TAF2: variants seen among roughly 807,000 people sequenced by gnomAD.
TAF2 encodes the protein transcription initiation factor TFIID subunit 2.
In TAF2, 61 loss-of-function variants were observed where a neutral mutation model predicts 138.5. The observed-to-expected ratio is 0.44, with a 90% CI of 0.36 to 0.54. TAF2 has a LOEUF of 0.54. TAF2 is among the 20% of genes least tolerant of loss of function. The pLI is 0.00. For synonymous variants in TAF2, 475 were observed against 469.9 expected, an observed-to-expected ratio of 1.01 and a Z score of -0.14; for missense variants, 1,090 against 1,427.9, an observed-to-expected ratio of 0.76 and a Z score of 3.81.
intron 20 of TAF2, among the ~76,000 whole-genome samples, chr8:119,759,828 G>C (rs1348554108): frequency 6.6e-6 from 1 of 151,972 alleles, no homozygotes; most frequent in Non-Finnish European, 1.5e-5. Context: ...AGAAAATCTT[G>C]GGTCATAATT....
intron 21 of TAF2, among the ~76,000 whole-genome samples, chr8:119,757,236 G>A (rs551334988): frequency 6.6e-6 from 1 of 152,158 alleles, no homozygotes; most frequent in East Asian, 1.9e-4. Context: ...ATTTAAGACT[G>A]TGTAAAATAA....
At position 119,742,650 on chromosome 8, in the gene TAF2, G is replaced by A. The variant is rs776030738; in HGVS notation, c.3221C>T (p.Ser1074Leu). The A allele has an allele frequency of 7.4e-6, 12 of 1,613,576 alleles. No individual in the cohort carries two copies. The highest frequency in any genetic ancestry group is 6.7e-5 in the East Asian group (3 of 44,828). Residue 1074 changes from serine (S) to leucine (L), a missense_variant, in exon 25 of 26, where the codon TCG becomes TTG. Physicochemically the swap from Ser to Leu is moderately radical, Grantham distance 145. Coordinates refer to ENST00000378164, the MANE Select transcript of TAF2 (RefSeq NM_003184.4). ...MLERPSTPGL[S>L]KYRPASSRSA... ...TCGGGAGCTAGCTGGCCGATATTTC[G>A]AGAGCCCTAAAATGCCAAACAAGAG...
chr8:119,776,486 T>C (rs1822251659), intron 18 of TAF2, among the ~76,000 whole-genome samples: 1 of 150,036 alleles, frequency 6.7e-6, no homozygotes, highest in African/African-American at 2.5e-5. Flanking sequence ...ATCGAAACCA[T>C]CCTGGCTACC....
chr8:119,832,160 A>T (rs1826495614), intron 1 of TAF2, among the ~76,000 whole-genome samples: 1 of 151,956 alleles, frequency 6.6e-6, no homozygotes, highest in Admixed American at 6.5e-5. Flanking sequence ...CCGTCTTAAA[A>T]ATTAAAAAAT....
At chr8:119,784,737 A>G (rs1347757526) in intron 15 of TAF2, among the ~76,000 whole-genome samples, 1 of 152,232 alleles carries the variant, frequency 6.6e-6, no homozygotes, top group Non-Finnish European at 1.5e-5. Flanking sequence ...TTTTGCAAGC[A>G]TAGGGAGACT....
At chr8:119,775,235 T>G (rs1187125800) in intron 18 of TAF2, among the ~76,000 whole-genome samples, 2 of 143,100 alleles carry the variant, frequency 1.4e-5, no homozygotes, top group African/African-American at 2.6e-5. Context: ...GAGCTGGAAT[T>G]GTGCCACTGC....
chr8:119,802,218 C>T (rs997310344), intron 5 of TAF2, among the ~76,000 whole-genome samples, 193 bp from the exon 6 acceptor site: 2 of 152,132 alleles, frequency 1.3e-5, no homozygotes, highest in Non-Finnish European at 2.9e-5. Flanking sequence ...TACTATTTGG[C>T]AATATTAAGA....
At chr8:119,734,201 C>T (rs902675675) in intron 25 of TAF2, among the ~76,000 whole-genome samples, 9 of 152,028 alleles carry the variant, frequency 5.9e-5, no homozygotes, top group African/African-American at 1.9e-4. Context: ...CTTAAAAACC[C>T]GGTTGGTTCT....
chr8:119,828,949 G>A (rs967146029), intron 2 of TAF2, among the ~76,000 whole-genome samples: 1 of 152,150 alleles, frequency 6.6e-6, no homozygotes, highest in African/African-American at 2.4e-5. Flanking sequence ...GTAAATAAAT[G>A]GGGATGGCTG....
chr8:119,789,789 T>C, intron 11 of TAF2, 43 bp from the exon 12 acceptor site: 1 of 1,568,030 alleles, frequency 6.4e-7, no homozygotes, highest in Non-Finnish European at 8.7e-7. Context: ...TAACAGATTC[T>C]TTTCAATTAT....
intron 3 of TAF2, among the ~76,000 whole-genome samples, chr8:119,809,256 T>A (rs895025624): frequency 6.6e-6 from 1 of 152,226 alleles, no homozygotes; most frequent in Admixed American, 6.5e-5. Flanking sequence ...TTAAACCTCA[T>A]GAACCAGCCT....
intron 3 of TAF2, among the ~76,000 whole-genome samples, chr8:119,815,363 C>G (rs1305958404): frequency 6.6e-6 from 1 of 151,762 alleles, no homozygotes; most frequent in Non-Finnish European, 1.5e-5. Context: ...CAAGCTCCAC[C>G]TCCTGGATTC....
chr8:119,812,909 T>C (rs762338643), intron 3 of TAF2, among the ~76,000 whole-genome samples: 12 of 152,196 alleles, frequency 7.9e-5, no homozygotes, highest in Non-Finnish European at 1.5e-4. Context: ...GCAATAAACA[T>C]AGACATGTAG....
In TAF2 at chr8:119,796,891, C is replaced by T. The variant is rs149567370; in HGVS notation, c.1091+99G>A. 4 of 808,928 alleles carry T rather than the reference C, an allele frequency of 4.9e-6. No homozygotes were observed. The East Asian group carries it at 1.0e-4, about 20-fold the overall frequency. 50.1% of individuals were successfully genotyped at this position (808,928 alleles called of 1,614,324 possible). A position where few individuals can be genotyped will look rare whatever the true frequency, so the allele number is the denominator to read the frequency against. On this transcript the variant is annotated intron_variant, in intron 8 of 25. Transcript: ENST00000378164. ...TATAGAACAGTGTCTCTTAAATTAGCTATCTGCAATTAGGGCAAAGGTCAG... is the reference window on the plus strand; with the variant it reads ...TATAGAACAGTGTCTCTTAAATTAGTTATCTGCAATTAGGGCAAAGGTCAG...
In TAF2 at chr8:119,743,068, TA is replaced by T. The variant is rs202045004; in HGVS notation, c.3215-413del. Reference sequence around the variant, plus strand: ...TGGGAAACAGAGTGAGACTCCATCTTAAAAAAAAAATTTAAAAAAACCCCAA... The same window carrying T: ...TGGGAAACAGAGTGAGACTCCATCTTAAAAAAAAATTTAAAAAAACCCCAA... On this transcript the variant is annotated intron_variant, in intron 24 of 25. Transcript: ENST00000378164. Among the ~76,000 whole-genome samples, 26 of 150,220 alleles carry T rather than the reference TA, an allele frequency of 1.7e-4. No individual in the cohort carries two copies. In the South Asian group the frequency reaches 4.0e-3, roughly 23 times the overall value.
chr8:119,797,740 G>C lies in TAF2; in HGVS notation c.899C>G (p.Pro300Arg), dbSNP rs1162627359. The C allele has an allele frequency of 6.2e-7, 1 of 1,613,420 alleles. No homozygotes were observed. Among genetic ancestry groups the C allele is most frequent in the Non-Finnish European group, 8.5e-7 (1 of 1,179,696 alleles). ...FYEEILTCRYPYSCFKTVFID... is the reference protein window; with the variant it reads ...FYEEILTCRYRYSCFKTVFID... ...GAAGACAGTCTTAAAACAGGAGTAT[G>C]GGTAACGACATGTAAGAATTTCTTC... is the stretch of plus-strand genomic sequence containing the variant. Residue 300 changes from proline to arginine, a missense_variant, in exon 7 of 26, where the codon CCA becomes CGA. Physicochemically the swap from Pro to Arg is moderately radical, Grantham distance 103 (BLOSUM62 -2). Around this residue, in one of 3 missense-constraint regions of TAF2, gnomAD observed 504 missense variants for 680.9 expected, o/e 0.74. Transcript: ENST00000378164.
intron 18 of TAF2, among the ~76,000 whole-genome samples, chr8:119,775,860 C>T (rs571675879): frequency 6.6e-6 from 1 of 152,204 alleles, no homozygotes; most frequent in East Asian, 1.9e-4. Context: ...AACTACTTAG[C>T]CACCTATCTA....
chr8:119,786,643 C>T (rs768189084), intron 14 of TAF2, among the ~76,000 whole-genome samples: 13 of 152,052 alleles, frequency 8.5e-5, no homozygotes, highest in African/African-American at 1.2e-4. Flanking sequence ...ATACATAGGC[C>T]GGGCATGGTA....
chr8:119,795,599 C>G lies in TAF2; in HGVS notation c.1124G>C (p.Gly375Ala), dbSNP rs777941292. 6.2e-7 allele frequency: 1 copy of G among 1,613,696 alleles called. No individual in the cohort carries two copies. Among genetic ancestry groups the G allele is most frequent in the South Asian group, 1.1e-5 (1 of 91,074 alleles). Residue 375 changes from glycine (G) to alanine (A), a missense_variant, in exon 9 of 26, where the codon GGC becomes GCC. Gly to Ala is a moderately conservative substitution (Grantham distance 60). Coordinates refer to ENST00000378164, the MANE Select transcript of TAF2 (RefSeq NM_003184.4). ...TTTCATCCAAAGTCCATAGATATAG[C>G]CTGAAATTCCCTTCAGCACCCATTC... ...SDEWVLKGIS[G>A]YIYGLWMKKT...
Sources: allele counts gnomAD v4.1 joint callset (sites outside exome capture counted in the v4.1 genomes callset), GRCh38; gene constraint gnomAD v4.1.1; regional missense constraint gnomAD v4.1.1; transcripts MANE v1.5; gene names NCBI Gene and HGNC (gene_info 2026-07-23, HGNC 2026-07-21).